Variants in DAPK1 observed in about 807,000 individuals in gnomAD.
The protein encoded by DAPK1 is death-associated protein kinase 1.
In DAPK1, 56 loss-of-function variants were observed where a neutral mutation model predicts 144.9. The observed-to-expected ratio is 0.39, with a 90% CI of 0.31 to 0.48. The LOEUF is 0.48. Ranked by LOEUF, DAPK1 falls within the 20% of genes least tolerant of loss-of-function variation. DAPK1 has a pLI of 0.95. For synonymous variants in DAPK1, 690 were observed against 749.0 expected (o/e 0.92, Z 1.29); for missense variants, 1,454 against 1,875.4 (o/e 0.78, Z 4.15).
At chr9:87,567,221 A>G (rs1280191204) in intron 2 of DAPK1, among the ~76,000 whole-genome samples, 6 of 152,184 alleles carry the variant, frequency 3.9e-5, no homozygotes, top group African/African-American at 1.2e-4. Flanking sequence ...TGCCAAGTCA[A>G]TCTGTAGCTG....
intron 2 of DAPK1, among the ~76,000 whole-genome samples, chr9:87,502,900 G>T (rs1000300409): frequency 6.6e-6 from 1 of 152,142 alleles, no homozygotes; most frequent in Non-Finnish European, 1.5e-5. Context: ...TAGACTTCCT[G>T]CAAATTGGTA....
chr9:87,632,391 G>A (rs1054617525), intron 3 of DAPK1: 1 of 983,926 alleles, frequency 1.0e-6, no homozygotes, highest in African/African-American at 1.8e-5. Flanking sequence ...TAGAAATGAA[G>A]GAAGATGGGT....
intron 2 of DAPK1, among the ~76,000 whole-genome samples, chr9:87,509,612 G>C (rs755241571): frequency 2.6e-5 from 4 of 152,092 alleles, no homozygotes; most frequent in Admixed American, 1.3e-4. Context: ...CGCCCGCCTC[G>C]GCCCCCCACA....
intron 2 of DAPK1, among the ~76,000 whole-genome samples, chr9:87,512,284 G>T (rs1433856117): frequency 7.0e-6 from 1 of 142,156 alleles, no homozygotes; most frequent in African/African-American, 2.6e-5. Context: ...ACAAATAATT[G>T]ATTTTTTTTT....
intron 17 of DAPK1, among the ~76,000 whole-genome samples, chr9:87,654,815 A>T (rs1420059354): frequency 6.6e-6 from 1 of 152,150 alleles, no homozygotes; most frequent in Non-Finnish European, 1.5e-5. Flanking sequence ...AGAGAGGAGG[A>T]GCTGAGCATC....
intron 2 of DAPK1, among the ~76,000 whole-genome samples, chr9:87,510,143 GTCTGTGCGT>G (rs1824778211): frequency 1.3e-5 from 2 of 152,206 alleles, no homozygotes; most frequent in African/African-American, 4.8e-5. Context: ...AACGTTGTCA[GTCTGTGCGT>G]TCCTCCCCAC....
Position 87,686,491 on chromosome 9 carries a change from G to A in DAPK1, c.2225-60G>A. Reference sequence around the variant, plus strand: ...AAAGGAAACCTCAGGGCCAGCCTGGGAGGGAGACAGGCACACGCTGCCCCC... The same window carrying A: ...AAAGGAAACCTCAGGGCCAGCCTGGAAGGGAGACAGGCACACGCTGCCCCC... On this transcript the variant is annotated intron_variant, in intron 20 of 25. Coordinates refer to ENST00000408954, the MANE Select transcript of DAPK1 (RefSeq NM_004938.4). This position sits in a 1 kb window ranked among gnomAD's most constrained non-coding sequence, Gnocchi z 4.2. The A allele has an allele frequency of 1.0e-6, 1 of 959,010 alleles. No individual in the cohort carries two copies. Among genetic ancestry groups the A allele is most frequent in the South Asian group, 1.5e-5 (1 of 68,310 alleles). 59.4% of individuals were successfully genotyped at this position (959,010 alleles called of 1,614,324 possible). A position where few individuals can be genotyped will look rare whatever the true frequency, so the allele number is the denominator to read the frequency against.
chr9:87,497,653 G>C (rs559842437), upstream of DAPK1: 20 of 169,042 alleles, frequency 1.2e-4, no homozygotes, highest in Admixed American at 1.3e-4. Flanking sequence ...GGTGTGGGGC[G>C]AGTGGGTGTG....
intron 18 of DAPK1, among the ~76,000 whole-genome samples, chr9:87,658,878 G>A (rs1226600666): frequency 6.6e-6 from 1 of 152,260 alleles, no homozygotes; most frequent in Non-Finnish European, 1.5e-5. Flanking sequence ...TACTGACAGA[G>A]GGTGATTCTC....
intron 2 of DAPK1, among the ~76,000 whole-genome samples, chr9:87,590,535 T>C (rs1277199318): frequency 6.6e-6 from 1 of 152,160 alleles, no homozygotes; most frequent in African/African-American, 2.4e-5. Flanking sequence ...TTTTTTTTCT[T>C]TTCCAATTCT....
At chr9:87,623,407 G>A (rs1480668500) in intron 3 of DAPK1, among the ~76,000 whole-genome samples, 2 of 152,094 alleles carry the variant, frequency 1.3e-5, no homozygotes, top group Admixed American at 6.6e-5. Flanking sequence ...AGACCTTTTG[G>A]GGATCCCAAA....
chr9:87,565,179 T>C (rs764149996), intron 2 of DAPK1, among the ~76,000 whole-genome samples: 6 of 152,126 alleles, frequency 3.9e-5, no homozygotes, highest in Non-Finnish European at 7.3e-5. Flanking sequence ...TCCCAGGATA[T>C]GTTGCAGAGG....
At chr9:87,515,035 C>T (rs558350149) in intron 2 of DAPK1, among the ~76,000 whole-genome samples, 4 of 152,312 alleles carry the variant, frequency 2.6e-5, no homozygotes, top group Non-Finnish European at 5.9e-5. Flanking sequence ...AGCTGGAGAA[C>T]CCGAGTATCT....
chr9:87,611,506 T>G (rs569781218), intron 3 of DAPK1, among the ~76,000 whole-genome samples: 1 of 152,348 alleles, frequency 6.6e-6, no homozygotes, highest in East Asian at 1.9e-4. Flanking sequence ...TCACCCAGGC[T>G]GGAATGCAGT....
intron 19 of DAPK1, among the ~76,000 whole-genome samples, chr9:87,675,361 C>T (rs1249480326): frequency 6.6e-6 from 1 of 151,842 alleles, no homozygotes; most frequent in African/African-American, 2.4e-5. Flanking sequence ...AAGGAAGCAG[C>T]CCGAGGAAGG....
intron 2 of DAPK1, among the ~76,000 whole-genome samples, chr9:87,540,740 A>T (rs1057493147): frequency 3.3e-5 from 5 of 152,166 alleles, no homozygotes; most frequent in Admixed American, 3.3e-4. Flanking sequence ...GACCACAGTA[A>T]ATAATTCCAT....
At chr9:87,642,483 T>C (rs891735540) in intron 10 of DAPK1, among the ~76,000 whole-genome samples, 1 of 151,884 alleles carries the variant, frequency 6.6e-6, no homozygotes, top group Non-Finnish European at 1.5e-5. Flanking sequence ...GGGGGTGGGG[T>C]GGGGCCGTGA....
At chr9:87,557,847 T>A (rs1345694306) in intron 2 of DAPK1, among the ~76,000 whole-genome samples, 3 of 152,064 alleles carry the variant, frequency 2.0e-5, no homozygotes, top group Non-Finnish European at 4.4e-5. Flanking sequence ...AGGCTGAGGC[T>A]TGAGAATCAC....
At chr9:87,548,005 A>G (rs2118531534) in intron 2 of DAPK1, among the ~76,000 whole-genome samples, 1 of 152,348 alleles carries the variant, frequency 6.6e-6, no homozygotes, top group East Asian at 1.9e-4. Context: ...GCTGAGAAGC[A>G]CAGGTCTGGA....
Sources: gnomAD v4.1 joint callset for allele counts (sites outside exome capture counted in the v4.1 genomes callset) on GRCh38, gnomAD v4.1.1 for gene constraint, Gnocchi (gnomAD v3.1) non-coding constraint, MANE v1.5 for transcripts, NCBI Gene and HGNC (gene_info 2026-07-23, HGNC 2026-07-21) for gene names.